IL1RAPL2: variants seen among roughly 807,000 people sequenced by gnomAD.
IL1RAPL2 encodes X-linked interleukin-1 receptor accessory protein-like 2.
A neutral mutation model predicts 44.1 loss-of-function variants in IL1RAPL2; 3 were observed. The ratio of observed to expected loss-of-function variants is 0.07; its 90% CI spans 0.03 to 0.18. The LOEUF (loss-of-function observed/expected upper bound fraction) is 0.18, where lower values mean the gene tolerates loss of function less well. Ranked by LOEUF, IL1RAPL2 falls within the 10% of genes least tolerant of loss-of-function variation. IL1RAPL2 has a pLI of 1.00. For synonymous variants in IL1RAPL2, 181 were observed against 178.8 expected (o/e 1.01, Z -0.10); for missense variants, 391 against 496.4 (o/e 0.79, Z 2.02).
chrX:105,512,562 C>A (rs1049019285), intron 6 of IL1RAPL2, among the ~76,000 whole-genome samples: 1 of 110,999 alleles, frequency 9.0e-6, no homozygotes, highest in African/African-American at 3.3e-5. Context: ...AAAATTAAAT[C>A]GCATTTTGTT....
intron 2 of IL1RAPL2, among the ~76,000 whole-genome samples, chrX:104,947,860 G>A (rs1236004388): frequency 3.0e-4 from 34 of 111,707 alleles, no homozygotes; most frequent in African/African-American, 9.1e-4. Context: ...TGATGCCTCC[G>A]GCTTTCTTCT....
At chrX:105,062,988 G>A (rs184477476) in intron 2 of IL1RAPL2, among the ~76,000 whole-genome samples, 202 of 110,991 alleles carry the variant, frequency 1.8e-3, no homozygotes, top group Non-Finnish European at 1.6e-3. Flanking sequence ...TCTAGGTTTG[G>A]GAAGTTGTCT....
intron 1 of IL1RAPL2, among the ~76,000 whole-genome samples, chrX:104,653,017 A>G (rs764198678): frequency 9.0e-6 from 1 of 110,540 alleles, no homozygotes; most frequent in African/African-American, 3.3e-5. Flanking sequence ...GGAAAAAGAC[A>G]GATGCTTGTG....
At chrX:105,220,930 C>T (rs1285622026) in intron 3 of IL1RAPL2, among the ~76,000 whole-genome samples, 3 of 112,048 alleles carry the variant, frequency 2.7e-5, no homozygotes, top group Non-Finnish European at 5.6e-5. Context: ...GTATCCCTCC[C>T]TCTTGACAAT....
chrX:105,160,872 G>T (rs767623302), intron 2 of IL1RAPL2, among the ~76,000 whole-genome samples: 3 of 111,648 alleles, frequency 2.7e-5, no homozygotes, highest in South Asian at 7.5e-4. Flanking sequence ...TTGCGCTTCT[G>T]GTCAAGACAT....
At chrX:105,243,601 A>AT (rs1273610539) in intron 4 of IL1RAPL2, among the ~76,000 whole-genome samples, 9 of 85,245 alleles carry the variant, frequency 1.1e-4, no homozygotes, top group African/African-American at 6.9e-4. Context: ...ATATATATAT[A>AT]TATATTTTTT....
chrX:105,295,234 G>C (rs1376078662), intron 5 of IL1RAPL2, among the ~76,000 whole-genome samples: 1 of 111,549 alleles, frequency 9.0e-6, no homozygotes, highest in Non-Finnish European at 1.9e-5. Flanking sequence ...AGCAGAAAAG[G>C]AGTAACATAT....
chrX:105,295,868 C>T (rs1259649098), intron 5 of IL1RAPL2, among the ~76,000 whole-genome samples: 1 of 111,148 alleles, frequency 9.0e-6, no homozygotes, highest in East Asian at 2.8e-4. Context: ...GATAAAAACC[C>T]CACCACCTAG....
intron 2 of IL1RAPL2, among the ~76,000 whole-genome samples, chrX:104,734,790 TTAAAA>T (rs1931984682): frequency 9.0e-6 from 1 of 111,644 alleles, no homozygotes; most frequent in Non-Finnish European, 1.9e-5. Flanking sequence ...GTATATTAAT[TTAAAA>T]TAAAATTTAA....
intron 2 of IL1RAPL2, among the ~76,000 whole-genome samples, chrX:104,869,488 T>C (rs1922701966): frequency 8.9e-6 from 1 of 112,181 alleles, no homozygotes; most frequent in African/African-American, 3.2e-5. Flanking sequence ...AAAATTCATA[T>C]GCCACTTCAT....
At chrX:105,000,943 C>T (rs1399927828) in intron 2 of IL1RAPL2, among the ~76,000 whole-genome samples, 1 of 111,279 alleles carries the variant, frequency 9.0e-6, no homozygotes, top group Non-Finnish European at 1.9e-5. Flanking sequence ...CTAGCATTGT[C>T]CAACACCCAA....
intron 1 of IL1RAPL2, among the ~76,000 whole-genome samples, chrX:104,569,787 T>C (rs140190510): frequency 1.8e-3 from 205 of 112,543 alleles, no homozygotes; most frequent in African/African-American, 6.2e-3. Context: ...TAAAATATGG[T>C]TGAAATGATC....
chrX:104,879,910 C>G (rs1275183731), intron 2 of IL1RAPL2, among the ~76,000 whole-genome samples: 6 of 110,936 alleles, frequency 5.4e-5, no homozygotes, highest in African/African-American at 2.0e-4. Flanking sequence ...CAGACTAAGT[C>G]TGGACTGAGG....
At chrX:105,206,099 A>G (rs921870780) in intron 3 of IL1RAPL2, among the ~76,000 whole-genome samples, 1 of 111,297 alleles carries the variant, frequency 9.0e-6, no homozygotes, top group Admixed American at 9.5e-5. Flanking sequence ...TGTGTGAATC[A>G]TGGTGCTATT....
In IL1RAPL2 at chrX:105,665,344, C is replaced by CGCGTGTGTGT. The variant is rs1197936624; in HGVS notation, c.773-52022_773-52021insCGTGTGTGTG. Among the ~76,000 whole-genome samples, 281 of 98,551 alleles carry CGCGTGTGTGT rather than the reference C, an allele frequency of 2.9e-3. 1 individual carries two copies. Among genetic ancestry groups the CGCGTGTGTGT allele is most frequent in the African/African-American group, 9.8e-3 (269 of 27,503 alleles). The allele number at this position is 98,551 out of a possible 115,157, so 85.6% of individuals were successfully genotyped here. ...TATGAGCCTTTATTTTATGCGCGTG[C>CGCGTGTGTGT]GTGTGTGTGTGTGTGTGTGTGTGTG... On this transcript the variant is annotated intron_variant, in intron 6 of 10. Coordinates refer to ENST00000372582, the MANE Select transcript of IL1RAPL2 (RefSeq NM_017416.2).
intron 10 of IL1RAPL2, among the ~76,000 whole-genome samples, chrX:105,758,396 A>G: frequency 9.6e-6 from 1 of 104,408 alleles, no homozygotes. Flanking sequence ...CACAGTTTCG[A>G]AAGTACATGA....
intron 2 of IL1RAPL2, among the ~76,000 whole-genome samples, chrX:104,766,724 A>T (rs1287100134): frequency 8.9e-6 from 1 of 112,421 alleles, no homozygotes; most frequent in Non-Finnish European, 1.9e-5. Context: ...AAAGATAAGG[A>T]ATCTGGTTTC....
At chrX:105,261,834 G>A (rs1478516468) in intron 4 of IL1RAPL2, among the ~76,000 whole-genome samples, 1 of 111,333 alleles carries the variant, frequency 9.0e-6, no homozygotes, top group East Asian at 2.8e-4. Flanking sequence ...AAGATACAGG[G>A]TGAGAGTAAG....
At chrX:105,302,691 C>A (rs770174605) in intron 5 of IL1RAPL2, among the ~76,000 whole-genome samples, 1 of 111,972 alleles carries the variant, frequency 8.9e-6, no homozygotes, top group East Asian at 2.8e-4. Context: ...GAGCTGCAAG[C>A]TATGCTGTCT....
Sources: allele counts gnomAD v4.1 joint callset (sites outside exome capture counted in the v4.1 genomes callset), GRCh38; gene constraint gnomAD v4.1.1; transcripts MANE v1.5; gene names NCBI Gene and HGNC (gene_info 2026-07-23, HGNC 2026-07-21).